COL18A1: variants seen among roughly 807,000 people sequenced by gnomAD.
The protein encoded by COL18A1 is collagen alpha-1(XVIII) chain.
COL18A1 carries 133 observed loss-of-function variants against 168.0 expected under a neutral mutation model. That is an observed-to-expected ratio of 0.79 (90% CI 0.69 to 0.91). COL18A1 has a LOEUF of 0.91. Ranked by LOEUF, COL18A1 falls within the 40% of genes least tolerant of loss-of-function variation. The probability of loss-of-function intolerance (pLI) is 0.00; values close to 1 mark genes in which losing one functional copy is unlikely to be tolerated. For missense variants in COL18A1, 2,126 were observed against 1,925.4 expected, an observed-to-expected ratio of 1.10 and a Z score of -1.95; for synonymous variants, 949 against 809.0, an observed-to-expected ratio of 1.17 and a Z score of -2.94.
chr21:45,510,292 T>G, intron 40 of COL18A1, 31 bp downstream of exon 40: 2 of 1,567,132 alleles, frequency 1.3e-6, no homozygotes, highest in East Asian at 4.8e-5. Flanking sequence ...GGGCGCGGGC[T>G]CCTCGGCCCC....
intron 2 of COL18A1, among the ~76,000 whole-genome samples, chr21:45,452,445 C>G (rs978400659): frequency 6.7e-6 from 1 of 150,036 alleles, no homozygotes; most frequent in African/African-American, 2.5e-5. Context: ...CATGTGAGTA[C>G]TCACGTGTGA....
Position 45,479,832 on chromosome 21 carries a change from G to A in COL18A1, c.1249-70G>A, listed in dbSNP as rs2035830606. ...CGTCCGTCCCCTGCTTGGGGGAGGA[G>A]CACTGAGAGTGCTGGGTGCGGCCCA... On this transcript the variant is annotated intron_variant, in intron 9 of 41. Transcript: ENST00000651438. The A allele has an allele frequency of 1.6e-5, 25 of 1,602,772 alleles. No individual in the cohort carries two copies. The South Asian group carries it at 2.7e-4, about 17-fold the overall frequency.
At chr21:45,496,658 C>T (rs907907376) in intron 30 of COL18A1, 90 bp downstream of exon 30, 4 of 784,840 alleles carry the variant, frequency 5.1e-6, no homozygotes, top group Admixed American at 3.4e-5. Flanking sequence ...CTCCCCTGGC[C>T]TCTGCGTCTG....
intron 2 of COL18A1, among the ~76,000 whole-genome samples, chr21:45,465,091 G>A (rs968519310): frequency 7.2e-5 from 11 of 152,146 alleles, no homozygotes; most frequent in Admixed American, 3.3e-4. Flanking sequence ...TCTGCTCTTC[G>A]TGTTGTTCTG....
At chr21:45,474,075 A>G in intron 4 of COL18A1, 94 bp downstream of exon 4, 1 of 969,718 alleles carries the variant, frequency 1.0e-6, no homozygotes, top group East Asian at 2.6e-5. Context: ...GTCCCAAAAT[A>G]TACCACTTGG....
chr21:45,405,213 G>A lies in COL18A1; in HGVS notation c.-18G>A, dbSNP rs751476002. 5 of 362,096 alleles carry A rather than the reference G, an allele frequency of 1.4e-5. 1 individual carries two copies. In the South Asian group the frequency reaches 5.3e-4, roughly 38 times the overall value. 22.4% of individuals were successfully genotyped at this position (362,096 alleles called of 1,614,324 possible). ...GGAGGAGGCAGCATCCCGCGGCGCT[G>A]ACGGTCCTGGGGAGAGCATGGCGCC... On this transcript the variant is annotated 5_prime_UTR_variant, in exon 1 of 42. Coordinates refer to ENST00000651438, the MANE Select transcript of COL18A1 (RefSeq NM_001379500.1).
At chr21:45,452,914 T>C (rs563518534) in intron 2 of COL18A1, among the ~76,000 whole-genome samples, 64 of 152,016 alleles carry the variant, frequency 4.2e-4, no homozygotes, top group African/African-American at 1.5e-3. Context: ...TATGTACATG[T>C]GTGTGAGTAT....
intron 15 of COL18A1, 96 bp downstream of exon 15, chr21:45,482,917 G>GC: frequency 6.3e-7 from 1 of 1,584,334 alleles, no homozygotes; most frequent in Non-Finnish European, 8.7e-7. Flanking sequence ...GGTCGAGAGA[G>GC]TGAGCTCTCT....
chr21:45,497,198 A>G, intron 31 of COL18A1, 106 bp downstream of exon 31: 1 of 808,864 alleles, frequency 1.2e-6, no homozygotes, highest in Non-Finnish European at 2.1e-6. Context: ...CAGTGGCCCA[A>G]GGCCAGTGCT....
chr21:45,493,869 G>A (rs755285944), intron 26 of COL18A1: 1 of 472,098 alleles, frequency 2.1e-6, no homozygotes, highest in South Asian at 2.2e-5. Flanking sequence ...CTGGGGCCTG[G>A]CCTGTGGGGT....
Position 45,512,357 on chromosome 21 carries a change from G to A in COL18A1, c.3979G>A (p.Val1327Met), listed in dbSNP as rs573442861. 1.6e-5 allele frequency: 26 copies of A among 1,612,722 alleles called. No individual in the cohort carries two copies. The highest frequency in any genetic ancestry group is 1.7e-4 in the Middle Eastern group (1 of 6,058). ...CGCGAGCTGCCATCACGCCTACATC[G>A]TGCTCTGCATTGAGAACAGCTTCAT... ...SAASCHHAYI[V>M]LCIENSFMTA... Residue 1327 changes from valine to methionine, a missense_variant, in exon 42 of 42, where the codon GTG becomes ATG. Physicochemically the swap from Val to Met is conservative, Grantham distance 21 (BLOSUM62 1). Transcript: ENST00000651438.
intron 15 of COL18A1, among the ~76,000 whole-genome samples, chr21:45,486,023 C>A (rs2036096006): frequency 6.6e-6 from 1 of 152,232 alleles, no homozygotes; most frequent in Admixed American, 6.5e-5. Context: ...TGGGCCACGT[C>A]ACAGCGGGAC....
chr21:45,472,224 T>C (rs565780238), intron 3 of COL18A1, among the ~76,000 whole-genome samples: 1 of 151,804 alleles, frequency 6.6e-6, no homozygotes, highest in African/African-American at 2.4e-5. Flanking sequence ...CGCAGTTTTT[T>C]TTTTTTGTTT....
In COL18A1 at chr21:45,457,514, C is replaced by T. The variant is rs2034879773; in HGVS notation, c.107-10728C>T. Among the ~76,000 whole-genome samples the T allele has an allele frequency of 2.0e-5, 3 of 152,310 alleles. No individual in the cohort carries two copies. Among genetic ancestry groups the T allele is most frequent in the Admixed American group, 6.5e-5 (1 of 15,310 alleles). On this transcript the variant is annotated intron_variant, in intron 2 of 41. Coordinates refer to ENST00000651438, the MANE Select transcript of COL18A1 (RefSeq NM_001379500.1). This position sits in a 1 kb window ranked among gnomAD's most constrained non-coding sequence, Gnocchi z 4.6. Reference sequence around the variant, plus strand: ...GGCCCAGGGGACGTTGCCCCATCACCGTGTGGCCTGGCCTTGTTGCTGGCT... The same window carrying T: ...GGCCCAGGGGACGTTGCCCCATCACTGTGTGGCCTGGCCTTGTTGCTGGCT...
chr21:45,501,452 C>T (rs2036818367), intron 32 of COL18A1, among the ~76,000 whole-genome samples: 1 of 151,738 alleles, frequency 6.6e-6, no homozygotes, highest in African/African-American at 2.4e-5. Context: ...CTTCCAGGAA[C>T]TGTGACCCCA....
chr21:45,493,485 C>T lies in COL18A1; in HGVS notation c.2278-16C>T. On this transcript the variant is annotated splice_polypyrimidine_tract_variant and intron_variant, in intron 25 of 41. Coordinates refer to ENST00000651438, the MANE Select transcript of COL18A1 (RefSeq NM_001379500.1). ...AGGAGCTGGCCCTGACTCTGCTGGA[C>T]CTCCTGCCATTCCAGGGTGAGAAGG... 1 of 1,553,364 alleles carries T rather than the reference C, an allele frequency of 6.4e-7. No individual in the cohort carries two copies. The highest frequency in any genetic ancestry group is 8.7e-7 in the Non-Finnish European group (1 of 1,148,384).
In COL18A1 at chr21:45,405,441, T is replaced by TGCTCGGGGTCC; in HGVS notation, c.77_87dup (p.Ala30SerfsTer98). 1 of 1,377,356 alleles carries TGCTCGGGGTCC rather than the reference T, an allele frequency of 7.3e-7. No individual in the cohort carries two copies. Among genetic ancestry groups the TGCTCGGGGTCC allele is most frequent in the Admixed American group, 2.6e-5 (1 of 38,812 alleles). The allele number at this position is 1,377,356 out of a possible 1,614,324, so 85.3% of individuals were successfully genotyped here. A position where few individuals can be genotyped will look rare whatever the true frequency, so the allele number is the denominator to read the frequency against. On this transcript the variant is annotated frameshift_variant, in exon 2 of 42. Coordinates refer to ENST00000651438, the MANE Select transcript of COL18A1 (RefSeq NM_001379500.1). LOFTEE classifies it high-confidence loss of function. The stretch of plus-strand genomic sequence containing the variant: ...GACGTGCTCGCGCCCCTGGTCCTGC[T>TGCTCGGGGTCC]GCTCGGGGTCCGCGCGGCCTCCGCG...
intron 2 of COL18A1, among the ~76,000 whole-genome samples, chr21:45,437,191 GAC>G (rs1269951859): frequency 0.16 from 10,113 of 62,178 alleles, 1,480 homozygotes; most frequent in African/African-American, 0.25. Flanking sequence ...CACTCACACA[GAC>G]ACACAGGCAC....
At chr21:45,506,108 G>T (rs896326551) in intron 37 of COL18A1, 142 bp downstream of exon 37, 19 of 1,272,050 alleles carry the variant, frequency 1.5e-5, no homozygotes, top group Non-Finnish European at 2.0e-5. Context: ...CAAACTTTTG[G>T]TAAAGTTTAG....
Sources: gnomAD v4.1 joint callset for allele counts (sites outside exome capture counted in the v4.1 genomes callset) on GRCh38, gnomAD v4.1.1 for gene constraint, Gnocchi (gnomAD v3.1) non-coding constraint, MANE v1.5 for transcripts, NCBI Gene and HGNC (gene_info 2026-07-23, HGNC 2026-07-21) for gene names.